The following NFIL3 variants were observed in gnomAD, a reference collection of about 807,000 sequenced individuals.
NFIL3 encodes nuclear factor, interleukin 3 regulated.
A neutral mutation model predicts 10.0 loss-of-function variants in NFIL3; 5 were observed. The observed-to-expected ratio is 0.50, with a 90% CI of 0.26 to 1.06. The LOEUF is 1.06. Among genes scored for constraint, NFIL3 ranks in the 50% least tolerant of loss-of-function variants. NFIL3 has a pLI of 0.13. For synonymous variants in NFIL3, 202 were observed against 206.5 expected (o/e 0.98, Z 0.19); for missense variants, 436 against 547.6 (o/e 0.80, Z 2.03).
the NFIL3 span, among the ~76,000 whole-genome samples, chr9:91,429,426 C>T: frequency 5.9e-5 from 9 of 152,302 alleles, no homozygotes; most frequent in East Asian, 7.7e-4. Flanking sequence ...GTGGCATTTG[C>T]AGCAAAGCAG....
At chr9:91,437,338 T>C in the NFIL3 span, among the ~76,000 whole-genome samples, 1 of 152,250 alleles carries the variant, frequency 6.6e-6, no homozygotes, top group Non-Finnish European at 1.5e-5. Context: ...GGATCAGGAA[T>C]ACATATATAA....
At chr9:91,459,426 C>A in the NFIL3 span, among the ~76,000 whole-genome samples, 141 of 152,286 alleles carry the variant, frequency 9.3e-4, 3 homozygotes, top group East Asian at 0.024. Flanking sequence ...AAGGACATGT[C>A]CTAAGTCTCT....
intron 1 of NFIL3, among the ~76,000 whole-genome samples, chr9:91,423,072 A>G (rs1474858457): frequency 6.6e-6 from 1 of 152,198 alleles, no homozygotes; most frequent in African/African-American, 2.4e-5. Flanking sequence ...AACAGGGTGG[A>G]AAACGTCTGT....
the NFIL3 span, among the ~76,000 whole-genome samples, chr9:91,445,779 G>C: frequency 2.6e-5 from 4 of 152,158 alleles, no homozygotes; most frequent in African/African-American, 9.7e-5. Context: ...GAGGAAGAGT[G>C]TTAGCTCAGA....
the NFIL3 span, among the ~76,000 whole-genome samples, chr9:91,442,690 AC>A: frequency 6.6e-6 from 1 of 152,236 alleles, no homozygotes; most frequent in South Asian, 2.1e-4. Context: ...GACCAGATGT[AC>A]CACATGTGGC....
chr9:91,440,035 T>C, the NFIL3 span, among the ~76,000 whole-genome samples: 2 of 152,166 alleles, frequency 1.3e-5, no homozygotes, highest in Admixed American at 1.3e-4. Context: ...TCATAAAGTA[T>C]GTTTGGGAGT....
At chr9:91,467,531 A>AT in the NFIL3 span, among the ~76,000 whole-genome samples, 5 of 151,630 alleles carry the variant, frequency 3.3e-5, no homozygotes, top group East Asian at 3.9e-4. Context: ...ATTCTCTGGG[A>AT]TTTTTTTTAA....
At chr9:91,470,953 T>C in the NFIL3 span, among the ~76,000 whole-genome samples, 5 of 152,190 alleles carry the variant, frequency 3.3e-5, 1 homozygote, top group South Asian at 1.0e-3. Flanking sequence ...AGTGGTCAAT[T>C]TTGGAGTAAG....
the NFIL3 span, among the ~76,000 whole-genome samples, chr9:91,476,585 A>AT: frequency 6.6e-6 from 1 of 152,028 alleles, no homozygotes; most frequent in Non-Finnish European, 1.5e-5. Context: ...AAAAAAAAAA[A>AT]CAATGTCCAA....
chr9:91,412,989 C>T (rs899156467), intron 1 of NFIL3, among the ~76,000 whole-genome samples: 9 of 151,986 alleles, frequency 5.9e-5, no homozygotes, highest in Non-Finnish European at 1.3e-4. Context: ...TTTGTCTTTT[C>T]CAGGGAATGA....
chr9:91,438,509 A>G, the NFIL3 span, among the ~76,000 whole-genome samples: 759 of 152,046 alleles, frequency 5.0e-3, 6 homozygotes, highest in Admixed American at 0.028. Flanking sequence ...TTTTATTTTG[A>G]TGTAGCTCCA....
the NFIL3 span, among the ~76,000 whole-genome samples, chr9:91,431,601 G>A: frequency 6.6e-6 from 1 of 152,194 alleles, no homozygotes; most frequent in Non-Finnish European, 1.5e-5. Flanking sequence ...ACGAGAGAAA[G>A]CCAGCTGGAG....
At chr9:91,483,467 A>T in the NFIL3 span, among the ~76,000 whole-genome samples, 1 of 152,156 alleles carries the variant, frequency 6.6e-6, no homozygotes, top group African/African-American at 2.4e-5. Flanking sequence ...CCAGGAACAC[A>T]CAGTCAGTTG....
At chr9:91,413,975 C>A (rs879468664) in intron 1 of NFIL3, among the ~76,000 whole-genome samples, 1 of 152,070 alleles carries the variant, frequency 6.6e-6, no homozygotes, top group Admixed American at 6.6e-5. Flanking sequence ...TTTTGAAATG[C>A]CCCGCCATTC....
the NFIL3 span, among the ~76,000 whole-genome samples, chr9:91,475,793 C>T: frequency 5.3e-5 from 8 of 152,146 alleles, no homozygotes; most frequent in Non-Finnish European, 1.0e-4. Context: ...CTACTTATAA[C>T]CATAAATACG....
the NFIL3 span, among the ~76,000 whole-genome samples, chr9:91,471,367 G>A: frequency 2.7e-5 from 4 of 149,732 alleles, no homozygotes; most frequent in Non-Finnish European, 5.9e-5. Flanking sequence ...CCATTTGTTT[G>A]GTGTATCTTC....
At chr9:91,447,930 C>T in the NFIL3 span, among the ~76,000 whole-genome samples, 68,512 of 151,982 alleles carry the variant, frequency 0.45, 19,305 homozygotes, top group African/African-American at 0.79. Flanking sequence ...TGTTGAAGAT[C>T]ATGTCTATTC....
In NFIL3 at chr9:91,410,776, T is replaced by C. The variant is rs1256225870; in HGVS notation, c.-42A>G. 1 of 1,506,882 alleles carries C rather than the reference T, an allele frequency of 6.6e-7. No individual in the cohort carries two copies. The highest frequency in any genetic ancestry group is 2.3e-5 in the East Asian group (1 of 43,614). 93.3% of individuals were successfully genotyped at this position (1,506,882 alleles called of 1,614,324 possible). A position where few individuals can be genotyped will look rare whatever the true frequency, so the allele number is the denominator to read the frequency against. On this transcript the variant is annotated 5_prime_UTR_variant, in exon 2 of 2. It removes the in-frame stop codon of an upstream open reading frame in the 5' UTR. Transcript: ENST00000297689. This position sits in a 1 kb window ranked among gnomAD's most constrained non-coding sequence, Gnocchi z 5.7. ...CTATCTATGTGTGTAGGAGAACAAA[T>C]TAATTTCCCCGTATTCTCAAGCTCT...
the NFIL3 span, among the ~76,000 whole-genome samples, chr9:91,454,838 A>G: frequency 6.6e-6 from 1 of 152,212 alleles, no homozygotes; most frequent in African/African-American, 2.4e-5. Context: ...TCTCAAAACA[A>G]AACGAAACAA....
Sources: gnomAD v4.1 joint callset for allele counts (sites outside exome capture counted in the v4.1 genomes callset) on GRCh38, gnomAD v4.1.1 for gene constraint, Gnocchi (gnomAD v3.1) non-coding constraint, MANE v1.5 for transcripts, NCBI Gene and HGNC (gene_info 2026-07-23, HGNC 2026-07-21) for gene names.